Variants in BRF1 observed in about 807,000 individuals in gnomAD.
The protein encoded by BRF1 is transcription factor IIIB 90 kDa subunit.
BRF1 carries 59 observed loss-of-function variants against 81.7 expected under a neutral mutation model. The observed-to-expected ratio is 0.72, with a 90% CI of 0.59 to 0.90. BRF1 has a LOEUF of 0.90. Among genes scored for constraint, BRF1 ranks in the 40% least tolerant of loss-of-function variants. BRF1 has a pLI of 0.00. For synonymous variants in BRF1, 491 were observed against 395.6 expected (o/e 1.24, Z -2.86); for missense variants, 1,050 against 936.3 (o/e 1.12, Z -1.58).
At chr14:105,248,546 C>G (rs1277567437) in intron 5 of BRF1, 3 of 888,334 alleles carry the variant, frequency 3.4e-6, no homozygotes, top group Non-Finnish European at 4.0e-6. Context: ...GCGTGACGCA[C>G]CGGCGCCGCG....
intron 7 of BRF1, 78 bp from the exon 8 acceptor site, chr14:105,226,838 G>A (rs1833878789): frequency 3.1e-6 from 5 of 1,598,820 alleles, no homozygotes; most frequent in Admixed American, 1.7e-5. Flanking sequence ...TCGCCTGGGC[G>A]TGGCTCATGC....
chr14:105,301,383 A>T (rs1286428416), upstream of BRF1: 1 of 94,154 alleles, frequency 1.1e-5, no homozygotes, highest in African/African-American at 4.2e-5. Context: ...GGGCGGGGGA[A>T]GGGGGCGGAG....
chr14:105,240,994 G>C (rs1037483280), intron 6 of BRF1, among the ~76,000 whole-genome samples: 1 of 152,170 alleles, frequency 6.6e-6, no homozygotes, highest in Non-Finnish European at 1.5e-5. Flanking sequence ...CCATGCAGCC[G>C]CACCCCAGAA....
intron 5 of BRF1, chr14:105,250,500 T>C (rs762706164): frequency 6.2e-7 from 1 of 1,613,992 alleles, no homozygotes. Context: ...CAAGACACCT[T>C]CTACACGGCC....
intron 2 of BRF1, among the ~76,000 whole-genome samples, chr14:105,273,959 A>G (rs2056768510): frequency 6.6e-6 from 1 of 152,230 alleles, no homozygotes; most frequent in Non-Finnish European, 1.5e-5. Flanking sequence ...AGATACAGGA[A>G]GGCCTCTGTC....
chr14:105,241,888 CGGG>C (rs2054690191), intron 5 of BRF1: 1 of 209,322 alleles, frequency 4.8e-6, no homozygotes, highest in South Asian at 8.0e-5. Flanking sequence ...GGCGGTGCCA[CGGG>C]GGCTGTGTGT....
At chr14:105,247,421 G>A (rs1171854013) in intron 5 of BRF1, 20 of 985,300 alleles carry the variant, frequency 2.0e-5, no homozygotes, top group Non-Finnish European at 2.2e-5. Context: ...CCATTGCATG[G>A]TGTCTGTTCA....
At chr14:105,310,617 G>T (rs1006516261) in intron 1 of BRF1, among the ~76,000 whole-genome samples, 2 of 151,628 alleles carry the variant, frequency 1.3e-5, no homozygotes, top group Non-Finnish European at 2.9e-5. Flanking sequence ...AGTTTGTTGC[G>T]TTGGGTGAGG....
At chr14:105,215,985 C>CAGAG (rs1285799980) in intron 15 of BRF1, among the ~76,000 whole-genome samples, 1 of 144,862 alleles carries the variant, frequency 6.9e-6, no homozygotes, top group African/African-American at 2.8e-5. Flanking sequence ...ACTGCATACA[C>CAGAG]AGGCGCACAC....
At chr14:105,242,968 G>C (rs1180355010) in intron 5 of BRF1, among the ~76,000 whole-genome samples, 3 of 146,530 alleles carry the variant, frequency 2.0e-5, no homozygotes, top group Admixed American at 6.8e-5. Context: ...TACAAAAAAT[G>C]AGCTGGGCGT....
chr14:105,242,670 G>A (rs2054769824), intron 5 of BRF1: 1 of 146,964 alleles, frequency 6.8e-6, no homozygotes, highest in African/African-American at 2.5e-5. Context: ...GGGAGGTGGA[G>A]GTTTTGGTGA....
At chr14:105,229,674 T>G (rs587727746) in intron 6 of BRF1, among the ~76,000 whole-genome samples, 16 of 148,576 alleles carry the variant, frequency 1.1e-4, no homozygotes, top group Non-Finnish European at 4.5e-5. Context: ...CGTGGCACCC[T>G]CAGGAGCAAC....
At chr14:105,292,716 C>G (rs1049320280) in intron 1 of BRF1, among the ~76,000 whole-genome samples, 2 of 152,192 alleles carry the variant, frequency 1.3e-5, no homozygotes, top group Non-Finnish European at 2.9e-5. Context: ...CATCAGACAT[C>G]TGGGAGGAGC....
At chr14:105,227,088 C>T (rs1252858508) in intron 7 of BRF1, 1 of 287,666 alleles carries the variant, frequency 3.5e-6, no homozygotes, top group African/African-American at 2.3e-5. Flanking sequence ...TGGCCTCCAG[C>T]CTGGGCAGCA....
chr14:105,214,172 G>A (rs1325885960), intron 15 of BRF1, among the ~76,000 whole-genome samples: 6 of 152,246 alleles, frequency 3.9e-5, no homozygotes, highest in African/African-American at 1.4e-4. Context: ...CCTGGGGCCT[G>A]TAAGCAGGCA....
At chr14:105,296,747 G>A (rs2057764061) in intron 1 of BRF1, among the ~76,000 whole-genome samples, 1 of 149,364 alleles carries the variant, frequency 6.7e-6, no homozygotes, top group Admixed American at 6.7e-5. Flanking sequence ...ATAGGAAACA[G>A]GACAACACAC....
chr14:105,300,127 G>T (rs928211699), intron 1 of BRF1, among the ~76,000 whole-genome samples: 7 of 152,232 alleles, frequency 4.6e-5, no homozygotes, highest in African/African-American at 1.7e-4. Flanking sequence ...AAACAAAACT[G>T]CAGGCACAGA....
At chr14:105,244,106 C>T (rs116625668) in intron 5 of BRF1, among the ~76,000 whole-genome samples, 2,182 of 151,244 alleles carry the variant, frequency 0.014, 48 homozygotes, top group African/African-American at 0.051. Context: ...CCCGGGAGTT[C>T]GAGGTCAGCC....
intron 1 of BRF1, among the ~76,000 whole-genome samples, chr14:105,289,808 G>C (rs1298058769): frequency 6.6e-6 from 1 of 151,946 alleles, no homozygotes; most frequent in Non-Finnish European, 1.5e-5. Flanking sequence ...GCTGATTTTT[G>C]TATTTTTACT....
Sources: allele counts gnomAD v4.1 joint callset (sites outside exome capture counted in the v4.1 genomes callset), GRCh38; gene constraint gnomAD v4.1.1; transcripts MANE v1.5; gene names NCBI Gene and HGNC (gene_info 2026-07-23, HGNC 2026-07-21).